The following KHDRBS2 variants were observed in gnomAD, a reference collection of about 807,000 sequenced individuals.
KHDRBS2 encodes the protein KH RNA binding domain containing, signal transduction associated 2.
In KHDRBS2, 26 loss-of-function variants were observed where a neutral mutation model predicts 44.3. The observed-to-expected ratio is 0.59, with a 90% CI of 0.43 to 0.81. The LOEUF (loss-of-function observed/expected upper bound fraction) is 0.81, where lower values mean the gene tolerates loss of function less well. KHDRBS2 is among the 40% of genes least tolerant of loss of function. The pLI, the probability that KHDRBS2 is intolerant of heterozygous loss-of-function variation, is 0.00. For missense variants in KHDRBS2, 476 were observed against 433.1 expected (o/e 1.10, Z -0.88); for synonymous variants, 194 against 151.1 (o/e 1.28, Z -2.08).
chr6:62,184,096 A>G (rs1822937444), intron 1 of KHDRBS2, among the ~76,000 whole-genome samples: 3 of 151,806 alleles, frequency 2.0e-5, no homozygotes. Flanking sequence ...TGTTAATAGA[A>G]TAGAATAATG....
At chr6:61,892,678 C>G (rs1802111301) in intron 6 of KHDRBS2, among the ~76,000 whole-genome samples, 1 of 152,120 alleles carries the variant, frequency 6.6e-6, no homozygotes, top group Admixed American at 6.6e-5. Flanking sequence ...ATAAATGGTG[C>G]TGGGAAAACT....
At chr6:62,066,275 C>A (rs1443632903) in intron 2 of KHDRBS2, among the ~76,000 whole-genome samples, 1 of 151,666 alleles carries the variant, frequency 6.6e-6, no homozygotes, top group Non-Finnish European at 1.5e-5. Flanking sequence ...TTCATAAAAT[C>A]ATCTGTAGAG....
intron 6 of KHDRBS2, among the ~76,000 whole-genome samples, chr6:61,798,205 A>G: frequency 6.6e-6 from 1 of 152,106 alleles, no homozygotes; most frequent in East Asian, 1.9e-4. Flanking sequence ...ATCTCCATGA[A>G]GAGTGGTCAT....
chr6:62,023,298 G>C (rs1315483131), intron 3 of KHDRBS2, among the ~76,000 whole-genome samples: 1 of 151,570 alleles, frequency 6.6e-6, no homozygotes, highest in Non-Finnish European at 1.5e-5. Flanking sequence ...ATATATCTTT[G>C]TGATTCATTA....
At chr6:61,584,091 T>C in the KHDRBS2 span, among the ~76,000 whole-genome samples, 1 of 151,760 alleles carries the variant, frequency 6.6e-6, no homozygotes, top group African/African-American at 2.4e-5. Context: ...TTATTAGCTT[T>C]AGTACTTTTC....
At chr6:61,880,739 T>A (rs1169265211) in intron 6 of KHDRBS2, among the ~76,000 whole-genome samples, 1 of 151,976 alleles carries the variant, frequency 6.6e-6, no homozygotes, top group Non-Finnish European at 1.5e-5. Flanking sequence ...GTGTGTTTTC[T>A]GTCTTACAGT....
At chr6:62,075,726 A>G (rs1467981849) in intron 2 of KHDRBS2, among the ~76,000 whole-genome samples, 2 of 151,898 alleles carry the variant, frequency 1.3e-5, no homozygotes, top group African/African-American at 4.8e-5. Context: ...TGCCATGAGC[A>G]CAATTTCACT....
At chr6:61,799,897 T>A (rs1243400566) in intron 6 of KHDRBS2, among the ~76,000 whole-genome samples, 1 of 152,080 alleles carries the variant, frequency 6.6e-6, no homozygotes, top group African/African-American at 2.4e-5. Flanking sequence ...AGTGATGAAG[T>A]AGTAAGTTCA....
At chr6:61,690,393 TC>T (rs1262040205) in intron 8 of KHDRBS2, among the ~76,000 whole-genome samples, 1 of 151,904 alleles carries the variant, frequency 6.6e-6, no homozygotes, top group African/African-American at 2.4e-5. Context: ...AACTCTCCCC[TC>T]CCTCTTAGCC....
the KHDRBS2 span, among the ~76,000 whole-genome samples, chr6:61,611,021 C>T: frequency 6.6e-6 from 1 of 152,120 alleles, no homozygotes; most frequent in Non-Finnish European, 1.5e-5. Context: ...GCTATGTATT[C>T]ATATCTAGAT....
At chr6:61,642,358 C>T in the KHDRBS2 span, among the ~76,000 whole-genome samples, 1 of 151,752 alleles carries the variant, frequency 6.6e-6, no homozygotes. Flanking sequence ...ACTTAATGTA[C>T]TAAGAATAAT....
At chr6:61,557,721 TAAC>T in the KHDRBS2 span, among the ~76,000 whole-genome samples, 1 of 152,202 alleles carries the variant, frequency 6.6e-6, no homozygotes, top group Non-Finnish European at 1.5e-5. Context: ...AGTTGTTCTT[TAAC>T]AACAACTGAA....
At chr6:62,112,982 T>C (rs548134458) in intron 2 of KHDRBS2, among the ~76,000 whole-genome samples, 3 of 152,202 alleles carry the variant, frequency 2.0e-5, no homozygotes, top group South Asian at 2.1e-4. Flanking sequence ...CATACCTATA[T>C]AGCTACCTAT....
At chr6:62,123,796 A>G (rs1808292498) in intron 2 of KHDRBS2, among the ~76,000 whole-genome samples, 1 of 152,208 alleles carries the variant, frequency 6.6e-6, no homozygotes, top group African/African-American at 2.4e-5. Context: ...ATTTGACATC[A>G]GGCAGTCTGG....
At chr6:61,732,887 A>G (rs1774721378) in intron 6 of KHDRBS2, 123 bp from the exon 7 acceptor site, 3 of 645,776 alleles carry the variant, frequency 4.6e-6, no homozygotes, top group Admixed American at 5.2e-5. Flanking sequence ...AAGTATCCAT[A>G]TATCACATTT....
At chr6:62,167,675 C>T (rs771947205) in intron 2 of KHDRBS2, among the ~76,000 whole-genome samples, 4 of 152,238 alleles carry the variant, frequency 2.6e-5, no homozygotes, top group Non-Finnish European at 4.4e-5. Context: ...ATCAAATCCT[C>T]TCTTCCATTT....
chr6:62,246,102 T>TTTTTTATATA (rs1434888553), intron 1 of KHDRBS2, among the ~76,000 whole-genome samples: 3 of 124,350 alleles, frequency 2.4e-5, no homozygotes, highest in African/African-American at 8.7e-5. Context: ...TCAATCAATT[T>TTTTTTATATA]TATATATATA....
intron 6 of KHDRBS2, among the ~76,000 whole-genome samples, chr6:61,804,861 G>A (rs1358283558): frequency 5.3e-5 from 8 of 152,172 alleles, no homozygotes; most frequent in Admixed American, 1.3e-4. Context: ...CTCTGGGCCT[G>A]TGATGGGAAG....
the KHDRBS2 span, among the ~76,000 whole-genome samples, chr6:61,590,481 T>G: frequency 1.3e-5 from 2 of 152,114 alleles, no homozygotes; most frequent in Non-Finnish European, 2.9e-5. Context: ...TCAAATAAGT[T>G]TATCTATATA....
Sources: allele counts gnomAD v4.1 joint callset (sites outside exome capture counted in the v4.1 genomes callset), GRCh38; gene constraint gnomAD v4.1.1; transcripts MANE v1.5; gene names NCBI Gene and HGNC (gene_info 2026-07-23, HGNC 2026-07-21).